R3HDM4: variants seen among roughly 807,000 people sequenced by gnomAD.
The protein encoded by R3HDM4 is R3H domain-containing protein 4.
Under a neutral mutation model 31.3 loss-of-function variants are expected in R3HDM4, and 30 were observed. The ratio of observed to expected loss-of-function variants is 0.96; its 90% CI spans 0.72 to 1.30. The LOEUF is 1.30. R3HDM4 is among the 50% of genes most tolerant of loss of function. R3HDM4 has a pLI of 0.00. For missense variants in R3HDM4, 444 were observed against 366.1 expected (o/e 1.21, Z -1.74); for synonymous variants, 196 against 156.6 (o/e 1.25, Z -1.88).
In R3HDM4 at chr19:901,556, A is replaced by G; in HGVS notation, c.227-10T>C. The G allele has an allele frequency of 6.3e-7, 1 of 1,598,888 alleles. No individual in the cohort carries two copies. Among genetic ancestry groups the G allele is most frequent in the Non-Finnish European group, 8.5e-7 (1 of 1,176,448 alleles). On this transcript the variant is annotated splice_polypyrimidine_tract_variant and intron_variant, in intron 2 of 7. Transcript: ENST00000361574. The stretch of plus-strand genomic sequence containing the variant: ...GTCAGGAGGTACTGGGCTAGGTGGA[A>G]ACAGATGCTCTCTGGGCCGGGGTGG...
At chr19:898,228 A>C (rs1247522511) in intron 7 of R3HDM4, among the ~76,000 whole-genome samples, 1 of 129,728 alleles carries the variant, frequency 7.7e-6, no homozygotes, top group African/African-American at 3.4e-5. Flanking sequence ...CTAAAAAAAA[A>C]AATATATATA....
At chr19:908,064 C>T (rs113546294) in intron 1 of R3HDM4, among the ~76,000 whole-genome samples, 7 of 152,116 alleles carry the variant, frequency 4.6e-5, no homozygotes, top group African/African-American at 1.4e-4. Flanking sequence ...TGGTGGCGCA[C>T]GCCTGTAGTC....
At position 911,304 on chromosome 19, in the gene R3HDM4, C is replaced by T. The variant is rs188014065; in HGVS notation, c.71+1783G>A. On this transcript the variant is annotated intron_variant, in intron 1 of 7. Transcript: ENST00000361574. ...ACTAAAAATACAACAATTAGCTGAA[C>T]GTGGTGGCGGGCGCCTGTAATCCCA... Among the ~76,000 whole-genome samples, 13 of 152,122 alleles carry T rather than the reference C, an allele frequency of 8.5e-5. No homozygotes were observed. The South Asian group carries it at 1.7e-3, about 19-fold the overall frequency.
In R3HDM4 at chr19:900,872, C is replaced by A; in HGVS notation, c.432G>T (p.Lys144Asn). ...LRYLEDEGRS[K>N]ARRRGPGRGE... is the part of the protein sequence containing the mutation. ...CACGGCCAGGGCCCCTCCTCCGCGC[C>A]TTGCTCCTGCCCTCATCCTCCAGGT... Residue 144 changes from lysine (K) to asparagine (N), a missense_variant, in exon 4 of 8, where the codon AAG becomes AAT. By Grantham distance (94) the Lys-to-Asn change is moderately conservative (BLOSUM62 0). Transcript: ENST00000361574. 3.2e-6 allele frequency: 5 copies of A among 1,566,952 alleles called. No individual in the cohort carries two copies. The highest frequency in any genetic ancestry group is 3.5e-6 in the Non-Finnish European group (4 of 1,157,764).
At chr19:905,133 G>C (rs4807199) in intron 1 of R3HDM4, among the ~76,000 whole-genome samples, 74,980 of 150,742 alleles carry the variant, frequency 0.5, 19,946 homozygotes, top group Non-Finnish European at 0.6. Flanking sequence ...GCTTGAACCT[G>C]GGAAGCAGAG....
At chr19:905,161 T>C (rs189180074) in intron 1 of R3HDM4, among the ~76,000 whole-genome samples, 1 of 151,416 alleles carries the variant, frequency 6.6e-6, no homozygotes, top group African/African-American at 2.4e-5. Context: ...TGAGCCAAGA[T>C]TGTGCCACTG....
rs548217050 is a variant in R3HDM4 at position 911,544 on chromosome 19, G to C, written c.71+1543C>G. On this transcript the variant is annotated intron_variant, in intron 1 of 7. Coordinates refer to ENST00000361574, the MANE Select transcript of R3HDM4 (RefSeq NM_138774.4). ...GCTGGGCCCGCCGCAGTGCCAGCTCGGTAACCCCCACCACTCGGAGAAGAG... is the reference window on the plus strand; with the variant it reads ...GCTGGGCCCGCCGCAGTGCCAGCTCCGTAACCCCCACCACTCGGAGAAGAG... 4.6e-5 allele frequency among the ~76,000 whole-genome samples: 7 copies of C among 152,352 alleles called. No homozygotes were observed. The East Asian group carries it at 9.6e-4, about 21-fold the overall frequency.
chr19:901,074 C>T, intron 3 of R3HDM4, 122 bp from the exon 4 acceptor site: 1 of 1,241,136 alleles, frequency 8.1e-7, no homozygotes, highest in African/African-American at 1.5e-5. Context: ...CACCTCTGTC[C>T]ACTGAGGGGC....
In R3HDM4 at chr19:897,311, G is replaced by A. The variant is rs1348132182; in HGVS notation, c.*126C>T. 2 of 706,384 alleles carry A rather than the reference G, an allele frequency of 2.8e-6. No homozygotes were observed. Among genetic ancestry groups the A allele is most frequent in the South Asian group, 1.9e-5 (1 of 51,822 alleles). The allele number at this position is 706,384 out of a possible 1,614,324, so 43.8% of individuals were successfully genotyped here. A position where few individuals can be genotyped will look rare whatever the true frequency, so the allele number is the denominator to read the frequency against. ...TGCGTGAGGAGGGGGCAGAGTGAGA[G>A]AGACCACCCCAAGCGAAAAAGGTTT... is the stretch of plus-strand genomic sequence containing the variant. On this transcript the variant is annotated 3_prime_UTR_variant, in exon 8 of 8. Transcript: ENST00000361574.
rs975680558 is a variant in R3HDM4, at chr19:900,093, G to A, written c.529C>T (p.Arg177Ter). Residue 177 changes from arginine (R) to a stop codon, truncating the protein, a stop_gained, in exon 5 of 8, where the codon CGA becomes TGA. Transcript: ENST00000361574. LOFTEE classifies it high-confidence loss of function. ...ATGCGGCTGCGCTTGAGGACGGCTC[G>A]CAGACGCCGGCTGATGCGCTGGAAG... is the stretch of plus-strand genomic sequence containing the variant. The part of the protein sequence containing the change: ...ECFQRISRRL[R>*]AVLKRSRIPM... The A allele has an allele frequency of 4.4e-6, 7 of 1,608,550 alleles. No homozygotes were observed. The highest frequency in any genetic ancestry group is 1.7e-4 in the Middle Eastern group (1 of 5,940).
At chr19:901,805 CGCCTGTGTCTGGCTCTATTTATATGGT>C in intron 2 of R3HDM4, 144 bp downstream of exon 2, 1 of 494,828 alleles carries the variant, frequency 2.0e-6, no homozygotes, top group Non-Finnish European at 3.5e-6. Context: ...GTCCAGGGGG[CGCCTGTGTCTGGCTCTATTTATATGGT>C]CCCCCGGCCT....
chr19:904,284 G>A (rs935299670), intron 1 of R3HDM4, among the ~76,000 whole-genome samples: 16 of 152,286 alleles, frequency 1.1e-4, no homozygotes, highest in African/African-American at 2.9e-4. Context: ...TCGCACAGGC[G>A]GCTCGGGTTT....
In R3HDM4 at chr19:899,591, C is replaced by G. The variant is rs371598232; in HGVS notation, c.647+10G>C. On this transcript the variant is annotated intron_variant, in intron 6 of 7. Coordinates refer to ENST00000361574, the MANE Select transcript of R3HDM4 (RefSeq NM_138774.4). The surrounding 1 kb of genome is among the most constrained non-coding windows in gnomAD (Gnocchi z 6.8). Reference sequence around the variant, plus strand: ...TCGGAGGGTCCGCTCGCCTGGCCGCCCCCCCTTACCTGTTGTCTAGCATTG... The same window carrying G: ...TCGGAGGGTCCGCTCGCCTGGCCGCGCCCCCTTACCTGTTGTCTAGCATTG... The G allele has an allele frequency of 2.5e-6, 4 of 1,612,376 alleles. No individual in the cohort carries two copies. The African/African-American group carries it at 4.0e-5, about 16-fold the overall frequency.
At chr19:898,684 A>AC (rs894713275) in intron 7 of R3HDM4, among the ~76,000 whole-genome samples, 26 of 149,258 alleles carry the variant, frequency 1.7e-4, no homozygotes, top group African/African-American at 4.4e-4. Context: ...TCTGCCTGGG[A>AC]CCCCCCCGTC....
At chr19:900,483 C>T (rs2036813825) in intron 4 of R3HDM4, among the ~76,000 whole-genome samples, 1 of 151,430 alleles carries the variant, frequency 6.6e-6, no homozygotes, top group African/African-American at 2.4e-5. Context: ...GCCACATCCA[C>T]TCCATGTCCC....
At chr19:901,012 C>A in intron 3 of R3HDM4, 60 bp from the exon 4 acceptor site, 1 of 1,501,180 alleles carries the variant, frequency 6.7e-7, no homozygotes, top group Non-Finnish European at 8.9e-7. Context: ...CTGACATCCC[C>A]GGGCAAATGG....
At chr19:902,813 C>A (rs775775088) in intron 1 of R3HDM4, among the ~76,000 whole-genome samples, 1 of 152,024 alleles carries the variant, frequency 6.6e-6, no homozygotes, top group African/African-American at 2.4e-5. Context: ...TGGTGGCGTG[C>A]GCCTGTAATC....
At chr19:903,841 G>A (rs2036869438) in intron 1 of R3HDM4, among the ~76,000 whole-genome samples, 1 of 152,052 alleles carries the variant, frequency 6.6e-6, no homozygotes, top group South Asian at 2.1e-4. Flanking sequence ...ATGAGGTCAG[G>A]AGATTGAGAC....
chr19:901,268 G>T, intron 3 of R3HDM4, 154 bp downstream of exon 3: 2 of 860,324 alleles, frequency 2.3e-6, no homozygotes, highest in Non-Finnish European at 3.5e-6. Flanking sequence ...ATTCTGGCCT[G>T]GTCTGGGGAC....
Sources: allele counts gnomAD v4.1 joint callset (sites outside exome capture counted in the v4.1 genomes callset), GRCh38; gene constraint gnomAD v4.1.1; non-coding constraint Gnocchi (gnomAD v3.1); transcripts MANE v1.5; gene names NCBI Gene and HGNC (gene_info 2026-07-23, HGNC 2026-07-21).